ARB2A: variants seen among roughly 807,000 people sequenced by gnomAD.
ARB2A encodes the protein cotranscriptional regulator ARB2A.
chr5:94,020,977 C>T, the ARB2A span, among the ~76,000 whole-genome samples: 1 of 152,100 alleles, frequency 6.6e-6, no homozygotes, highest in East Asian at 1.9e-4. Context: ...ACCACCATGG[C>T]ACGTGTATCC....
the ARB2A span, among the ~76,000 whole-genome samples, chr5:93,848,407 AAG>A: frequency 2.0e-5 from 3 of 152,014 alleles, no homozygotes; most frequent in African/African-American, 7.2e-5. Flanking sequence ...AAAAAAGAAA[AAG>A]AGATATTGAC....
the ARB2A span, among the ~76,000 whole-genome samples, chr5:93,713,109 G>C: frequency 6.6e-6 from 1 of 152,126 alleles, no homozygotes; most frequent in East Asian, 1.9e-4. Flanking sequence ...CCTACAAAAA[G>C]AAAACATTGG....
chr5:93,716,693 C>CAAAAAAAAAAA, the ARB2A span, among the ~76,000 whole-genome samples: 3 of 36,688 alleles, frequency 8.2e-5, no homozygotes, highest in Non-Finnish European at 1.2e-4. Flanking sequence ...ATAAGCTGTG[C>CAAAAAAAAAAA]AAAAAAAAAA....
the ARB2A span, among the ~76,000 whole-genome samples, chr5:93,825,022 T>C: frequency 6.6e-6 from 1 of 152,226 alleles, no homozygotes; most frequent in Admixed American, 6.5e-5. Context: ...ATTGCTTTGA[T>C]TGTGCTTTGT....
At chr5:93,683,163 C>T in the ARB2A span, 1 of 1,381,826 alleles carries the variant, frequency 7.2e-7, no homozygotes, top group South Asian at 1.2e-5. Flanking sequence ...TTTTCTTCAG[C>T]TTCCTCATCA....
chr5:93,818,525 A>G, the ARB2A span, among the ~76,000 whole-genome samples: 2 of 152,228 alleles, frequency 1.3e-5, no homozygotes. Flanking sequence ...GCTAATTATT[A>G]AATAAAAGGT....
At chr5:93,750,548 G>C in the ARB2A span, among the ~76,000 whole-genome samples, 1 of 151,984 alleles carries the variant, frequency 6.6e-6, no homozygotes, top group Non-Finnish European at 1.5e-5. Flanking sequence ...TTGAGATGGG[G>C]TCTCATTCTG....
At chr5:93,651,944 T>C in the ARB2A span, among the ~76,000 whole-genome samples, 3 of 152,022 alleles carry the variant, frequency 2.0e-5, no homozygotes, top group Admixed American at 2.0e-4. Flanking sequence ...ACAAAAGGTA[T>C]AGCTAAAATG....
the ARB2A span, among the ~76,000 whole-genome samples, chr5:93,794,667 C>T: frequency 2.6e-5 from 4 of 152,276 alleles, no homozygotes; most frequent in African/African-American, 4.8e-5. Flanking sequence ...GAGAGCTGCA[C>T]TGTAGTTGTT....
the ARB2A span, among the ~76,000 whole-genome samples, chr5:94,048,433 C>G: frequency 1.3e-5 from 2 of 152,128 alleles, no homozygotes; most frequent in African/African-American, 4.8e-5. Flanking sequence ...AGAACACTAA[C>G]AAGAACTGTG....
chr5:93,741,323 G>A, the ARB2A span: 2 of 1,613,140 alleles, frequency 1.2e-6, no homozygotes, highest in East Asian at 4.5e-5. Context: ...CCAAGACGGG[G>A]CCTGCAGGGT....
At chr5:94,056,991 A>G in the ARB2A span, among the ~76,000 whole-genome samples, 2 of 152,174 alleles carry the variant, frequency 1.3e-5, no homozygotes, top group African/African-American at 4.8e-5. Context: ...ACAGAGCAAC[A>G]ACGCTGAGTA....
chr5:93,866,047 A>G, the ARB2A span: 1 of 982,944 alleles, frequency 1.0e-6, no homozygotes, highest in Non-Finnish European at 1.2e-6. Flanking sequence ...AATCTATAAT[A>G]TGCTATTAAT....
At chr5:94,065,343 A>G in the ARB2A span, among the ~76,000 whole-genome samples, 4 of 152,134 alleles carry the variant, frequency 2.6e-5, no homozygotes, top group Admixed American at 6.5e-5. Context: ...GTGAAACCCC[A>G]TATCTCCAAA....
the ARB2A span, among the ~76,000 whole-genome samples, chr5:93,627,722 G>A: frequency 1.3e-5 from 2 of 152,122 alleles, no homozygotes; most frequent in Non-Finnish European, 2.9e-5. Flanking sequence ...TTACAAGCAT[G>A]AGCCACCATG....
the ARB2A span, among the ~76,000 whole-genome samples, chr5:93,885,023 A>G: frequency 6.6e-6 from 1 of 151,624 alleles, no homozygotes; most frequent in African/African-American, 2.4e-5. Context: ...GAAACTAAAG[A>G]GTCAAAGAAA....
chr5:94,019,826 G>T, the ARB2A span, among the ~76,000 whole-genome samples: 1 of 152,016 alleles, frequency 6.6e-6, no homozygotes, highest in Non-Finnish European at 1.5e-5. Flanking sequence ...TAAAGGACAT[G>T]ACTTCACCCC....
the ARB2A span, among the ~76,000 whole-genome samples, chr5:94,016,850 G>A: frequency 3.3e-4 from 50 of 152,296 alleles, no homozygotes; most frequent in African/African-American, 1.2e-3. Flanking sequence ...TGGGAGGCAA[G>A]AAGATGGCAA....
the ARB2A span, among the ~76,000 whole-genome samples, chr5:93,757,867 C>A: frequency 6.6e-6 from 1 of 152,252 alleles, no homozygotes; most frequent in Middle Eastern, 3.4e-3. Context: ...CAACAAAGAG[C>A]AGGAGGAATG....
Sources: gnomAD v4.1 joint callset for allele counts (sites outside exome capture counted in the v4.1 genomes callset) on GRCh38, gnomAD v4.1.1 for gene constraint, MANE v1.5 for transcripts, NCBI Gene and HGNC (gene_info 2026-07-23, HGNC 2026-07-21) for gene names.